Variants in EPHA3 observed in about 807,000 individuals in gnomAD.
EPHA3 encodes EPH receptor A3, also known as ephrin type-A receptor 3.
Under a neutral mutation model 107.1 loss-of-function variants are expected in EPHA3, and 42 were observed. The observed-to-expected ratio is 0.39, with a 90% CI of 0.31 to 0.51. The LOEUF (loss-of-function observed/expected upper bound fraction) is 0.51, where lower values mean the gene tolerates loss of function less well. Among genes scored for constraint, EPHA3 ranks in the 20% least tolerant of loss-of-function variants. The probability of loss-of-function intolerance (pLI) is 0.78; values close to 1 mark genes in which losing one functional copy is unlikely to be tolerated. For missense variants in EPHA3, 1,183 were observed against 1,211.2 expected (o/e 0.98, Z 0.35); for synonymous variants, 461 against 424.8 (o/e 1.09, Z -1.05).
intron 1 of EPHA3, among the ~76,000 whole-genome samples, chr3:89,113,150 C>T (rs1707154802): frequency 6.6e-6 from 1 of 152,092 alleles, no homozygotes; most frequent in Non-Finnish European, 1.5e-5. Context: ...TTATATTATT[C>T]ATCCAGTTAT....
intron 3 of EPHA3, among the ~76,000 whole-genome samples, chr3:89,293,294 G>T (rs1706262390): frequency 6.6e-6 from 1 of 151,946 alleles, no homozygotes; most frequent in Non-Finnish European, 1.5e-5. Context: ...TTTTTTCCCA[G>T]TCTGTATTTT....
chr3:89,204,883 A>T (rs1706063198), intron 2 of EPHA3, among the ~76,000 whole-genome samples: 2 of 152,192 alleles, frequency 1.3e-5, no homozygotes, highest in Non-Finnish European at 2.9e-5. Flanking sequence ...TGAGTGGAGA[A>T]AGGAATAACA....
chr3:89,108,733 T>C (rs552255669), intron 1 of EPHA3, among the ~76,000 whole-genome samples: 125 of 152,334 alleles, frequency 8.2e-4, no homozygotes, highest in African/African-American at 2.9e-3. Flanking sequence ...ACTTAATACA[T>C]ACATTTTCTT....
intron 16 of EPHA3, among the ~76,000 whole-genome samples, chr3:89,476,152 A>G (rs971635428): frequency 2.0e-5 from 3 of 147,756 alleles, no homozygotes; most frequent in Non-Finnish European, 4.5e-5. Flanking sequence ...TATATAATAT[A>G]TAATGTTTAT....
chr3:89,174,111 T>C (rs1466515531), intron 2 of EPHA3, among the ~76,000 whole-genome samples: 1 of 151,982 alleles, frequency 6.6e-6, no homozygotes, highest in Non-Finnish European at 1.5e-5. Context: ...AGATAAGTTA[T>C]AATAGTTTTA....
chr3:89,301,025 C>A (rs1706475408), intron 3 of EPHA3, among the ~76,000 whole-genome samples: 1 of 152,056 alleles, frequency 6.6e-6, no homozygotes, highest in Admixed American at 6.6e-5. Flanking sequence ...GCAATAGCAA[C>A]AAATTCTGAT....
intron 15 of EPHA3, among the ~76,000 whole-genome samples, chr3:89,456,227 A>G (rs1190909841): frequency 6.6e-6 from 1 of 152,152 alleles, no homozygotes; most frequent in African/African-American, 2.4e-5. Context: ...AACTCCAGAA[A>G]TACACTCCTA....
chr3:89,317,182 G>A (rs762803757), intron 3 of EPHA3, among the ~76,000 whole-genome samples: 2 of 151,728 alleles, frequency 1.3e-5, no homozygotes, highest in Non-Finnish European at 2.9e-5. Flanking sequence ...TAGAAAATCA[G>A]ATTAAAATAG....
At chr3:89,281,735 A>G (rs1705953035) in intron 3 of EPHA3, among the ~76,000 whole-genome samples, 1 of 152,172 alleles carries the variant, frequency 6.6e-6, no homozygotes, top group Non-Finnish European at 1.5e-5. Flanking sequence ...GAACATATTT[A>G]CATTTTACAT....
At chr3:89,265,986 G>T (rs1202212475) in intron 3 of EPHA3, among the ~76,000 whole-genome samples, 3 of 152,022 alleles carry the variant, frequency 2.0e-5, no homozygotes, top group South Asian at 2.1e-4. Context: ...GGAACTTGTT[G>T]TTACTCAGGA....
At chr3:89,425,611 G>A (rs1237773447) in intron 11 of EPHA3, among the ~76,000 whole-genome samples, 1 of 151,042 alleles carries the variant, frequency 6.6e-6, no homozygotes, top group African/African-American at 2.4e-5. Flanking sequence ...ATTTAATAAT[G>A]TTTCAATATC....
At chr3:89,412,571 C>T (rs979035121) in intron 9 of EPHA3, among the ~76,000 whole-genome samples, 1 of 151,408 alleles carries the variant, frequency 6.6e-6, no homozygotes, top group Non-Finnish European at 1.5e-5. Context: ...ATACTAACAG[C>T]TTAAAGTAGA....
intron 5 of EPHA3, among the ~76,000 whole-genome samples, chr3:89,352,902 C>CAAAAAAAAAAA (rs1215369952): frequency 8.0e-4 from 33 of 40,998 alleles, no homozygotes; most frequent in African/African-American, 3.1e-3. Context: ...GACTCTGTCT[C>CAAAAAAAAAAA]AAAAAAAAAA....
intron 2 of EPHA3, among the ~76,000 whole-genome samples, chr3:89,172,629 A>G (rs1356925566): frequency 6.6e-6 from 1 of 152,200 alleles, no homozygotes; most frequent in Admixed American, 6.5e-5. Context: ...AATATGCAAA[A>G]TAACTGGAAA....
chr3:89,436,505 G>A (rs990216350), intron 13 of EPHA3, among the ~76,000 whole-genome samples: 5 of 152,224 alleles, frequency 3.3e-5, no homozygotes, highest in African/African-American at 9.6e-5. Flanking sequence ...TGTAGGTAGA[G>A]CGTAGTTGCA....
rs773640458 is a variant in EPHA3, at chr3:89,419,209, A to T, written c.1893A>T (p.Glu631Asp). The T allele has an allele frequency of 6.3e-7, 1 of 1,594,490 alleles. No homozygotes were observed. Among genetic ancestry groups the T allele is most frequent in the Non-Finnish European group, 8.5e-7 (1 of 1,172,432 alleles). ...ISIDKVVGAG[E>D]FGEVCSGRLK... ...TGCTGTTCTGCTTTATAACAGGTGA[A>T]TTTGGAGAGGTGTGCAGTGGTCGCT... Residue 631 changes from glutamate to aspartate, a missense_variant, in exon 11 of 17, where the codon GAA becomes GAT. Physicochemically the swap from Glu to Asp is conservative, Grantham distance 45. Transcript: ENST00000336596.
intron 13 of EPHA3, among the ~76,000 whole-genome samples, chr3:89,443,410 A>T (rs920907575): frequency 6.6e-6 from 1 of 152,216 alleles, no homozygotes; most frequent in African/African-American, 2.4e-5. Context: ...TATTAATGTA[A>T]CAACACTATT....
At chr3:89,218,074 T>C (rs1363501230) in intron 3 of EPHA3, among the ~76,000 whole-genome samples, 1 of 152,194 alleles carries the variant, frequency 6.6e-6, no homozygotes, top group African/African-American at 2.4e-5. Flanking sequence ...ACAGAATTGA[T>C]TCATGTATTG....
chr3:89,262,760 T>TCGGTGCCTGCAGGATCAA lies in EPHA3; in HGVS notation c.814+52241_814+52258dup, dbSNP rs1705445390. 2.6e-5 allele frequency among the ~76,000 whole-genome samples: 4 copies of TCGGTGCCTGCAGGATCAA among 152,060 alleles called. 1 individual carries two copies. Among genetic ancestry groups the TCGGTGCCTGCAGGATCAA allele is most frequent in the Admixed American group, 6.5e-5 (1 of 15,278 alleles). On this transcript the variant is annotated intron_variant, in intron 3 of 16. Transcript: ENST00000336596. ...GAAGCACTGGAACCGGCTGGCTGTT[T>TCGGTGCCTGCAGGATCAA]CGGTGCCTGCAGGATCAAACTCTAT...
Sources: gnomAD v4.1 joint callset for allele counts (sites outside exome capture counted in the v4.1 genomes callset) on GRCh38, gnomAD v4.1.1 for gene constraint, MANE v1.5 for transcripts, NCBI Gene and HGNC (gene_info 2026-07-23, HGNC 2026-07-21) for gene names.